Variants in SCARA3 observed in about 807,000 individuals in gnomAD.
SCARA3 encodes scavenger receptor class A member 3.
A neutral mutation model predicts 47.0 loss-of-function variants in SCARA3; 39 were observed. That is an observed-to-expected ratio of 0.83 (90% CI 0.64 to 1.08). The LOEUF (loss-of-function observed/expected upper bound fraction) is 1.08, where lower values mean the gene tolerates loss of function less well. Ranked by LOEUF, SCARA3 falls within the 50% of genes least tolerant of loss-of-function variation. SCARA3 has a pLI of 0.00. For missense variants in SCARA3, 724 were observed against 792.3 expected, an observed-to-expected ratio of 0.91 and a Z score of 1.04; for synonymous variants, 356 against 334.1, an observed-to-expected ratio of 1.07 and a Z score of -0.71.
the SCARA3 span, among the ~76,000 whole-genome samples, chr8:27,696,481 A>G: frequency 2.0e-5 from 3 of 151,602 alleles, no homozygotes; most frequent in African/African-American, 7.3e-5. Context: ...TTGGAGACAG[A>G]GTCTCACTCT....
intron 1 of SCARA3, among the ~76,000 whole-genome samples, chr8:27,640,871 A>AT (rs1563400219): frequency 6.6e-6 from 1 of 151,940 alleles, no homozygotes; most frequent in Non-Finnish European, 1.5e-5. Flanking sequence ...TAATTTTTGT[A>AT]TTTTTTGTAG....
the SCARA3 span, among the ~76,000 whole-genome samples, chr8:27,712,458 G>A: frequency 6.7e-6 from 1 of 150,040 alleles, no homozygotes; most frequent in African/African-American, 2.4e-5. Flanking sequence ...AGCTACTTGG[G>A]AGGCTGAGGC....
the SCARA3 span, among the ~76,000 whole-genome samples, chr8:27,729,073 A>G: frequency 1.3e-5 from 2 of 152,206 alleles, no homozygotes. Flanking sequence ...TCAAATATAT[A>G]TAACAATTCC....
At chr8:27,646,965 C>CGGGGG in intron 1 of SCARA3, among the ~76,000 whole-genome samples, 1 of 48,374 alleles carries the variant, frequency 2.1e-5, no homozygotes, top group African/African-American at 7.0e-5. Flanking sequence ...CACCCCTGAC[C>CGGGGG]GCCCCCGCCC....
chr8:27,641,064 A>G (rs1357204073), intron 1 of SCARA3, among the ~76,000 whole-genome samples: 1 of 152,258 alleles, frequency 6.6e-6, no homozygotes, highest in African/African-American at 2.4e-5. Flanking sequence ...TATGTAACCA[A>G]TCCCCTGGAG....
chr8:27,702,242 G>A, the SCARA3 span: 2 of 152,152 alleles, frequency 1.3e-5, no homozygotes, highest in African/African-American at 4.8e-5. Flanking sequence ...AAGTTTTATG[G>A]GGTAGCCAAG....
chr8:27,649,563 G>T, intron 1 of SCARA3, 139 bp from the exon 2 acceptor site: 2 of 771,440 alleles, frequency 2.6e-6, no homozygotes, highest in Non-Finnish European at 2.2e-6. Context: ...CCTTTTTGCA[G>T]CTTACATCAG....
chr8:27,700,923 A>G, the SCARA3 span, among the ~76,000 whole-genome samples: 4 of 152,200 alleles, frequency 2.6e-5, no homozygotes. Context: ...CAGCAATTTC[A>G]CTTCTGGGTT....
chr8:27,705,486 C>T, the SCARA3 span, among the ~76,000 whole-genome samples: 6 of 152,252 alleles, frequency 3.9e-5, no homozygotes, highest in African/African-American at 1.2e-4. Flanking sequence ...CCCCATCACC[C>T]GACAGGGGCT....
chr8:27,670,718 A>C (rs1317642106), intron 5 of SCARA3, among the ~76,000 whole-genome samples, 182 bp from the exon 6 acceptor site: 2 of 151,988 alleles, frequency 1.3e-5, no homozygotes, highest in Non-Finnish European at 2.9e-5. Context: ...GAAGCTGGCC[A>C]GCCCCTTGTT....
chr8:27,715,023 G>A, the SCARA3 span, among the ~76,000 whole-genome samples: 8 of 152,198 alleles, frequency 5.3e-5, no homozygotes, highest in East Asian at 9.7e-4. The surrounding 1 kb of genome is among the most constrained non-coding windows in gnomAD (Gnocchi z 4.2). Flanking sequence ...GGGCTCAAGC[G>A]ATCCTCACAC....
chr8:27,717,436 T>C, the SCARA3 span, among the ~76,000 whole-genome samples: 1 of 152,204 alleles, frequency 6.6e-6, no homozygotes, highest in Non-Finnish European at 1.5e-5. Context: ...CCCAGACTTC[T>C]CAATGTACGT....
the SCARA3 span, among the ~76,000 whole-genome samples, chr8:27,712,492 G>A: frequency 2.7e-5 from 4 of 150,470 alleles, no homozygotes; most frequent in African/African-American, 7.3e-5. Flanking sequence ...GAACCCGGGA[G>A]GCGGAGCTTG....
At chr8:27,636,812 C>T (rs969192883) in intron 1 of SCARA3, among the ~76,000 whole-genome samples, 2 of 152,218 alleles carry the variant, frequency 1.3e-5, no homozygotes, top group Non-Finnish European at 2.9e-5. Flanking sequence ...CCCTCCCTGG[C>T]AGCCGGGAAG....
chr8:27,647,278 A>G lies in SCARA3; in HGVS notation c.8-2424A>G, dbSNP rs544445284. ...TACACAAAGTTTAGTTTCCTCACCT[A>G]TCAAATCAGGAGAAAATGTTCTCTC... On this transcript the variant is annotated intron_variant, in intron 1 of 5. Coordinates refer to ENST00000301904, the MANE Select transcript of SCARA3 (RefSeq NM_016240.3). Among the ~76,000 whole-genome samples the G allele has an allele frequency of 5.3e-5, 8 of 152,272 alleles. No homozygotes were observed. The East Asian group carries it at 1.5e-3, about 29-fold the overall frequency.
intron 1 of SCARA3, among the ~76,000 whole-genome samples, chr8:27,646,972 G>GCCCCCCCCC (rs757314343): frequency 3.0e-4 from 7 of 23,504 alleles, no homozygotes; most frequent in South Asian, 2.8e-3. Flanking sequence ...GACCGCCCCC[G>GCCCCCCCCC]CCCCCCCCCC....
chr8:27,725,408 C>T, the SCARA3 span, among the ~76,000 whole-genome samples: 1 of 149,530 alleles, frequency 6.7e-6, no homozygotes, highest in African/African-American at 2.5e-5. Flanking sequence ...TTTATATTAT[C>T]CTTGAAAATG....
rs757359424 is a variant in SCARA3 at position 27,659,035 on chromosome 8, C to T, written c.865C>T (p.Arg289Cys). Residue 289 changes from arginine to cysteine, a missense_variant, in exon 5 of 6, where the codon CGC (arginine) becomes TGC (cysteine). Arg to Cys is a radical substitution (Grantham distance 180, BLOSUM62 -3). Transcript: ENST00000301904. ...GGCCACCCTGGGGGCCTCCTCACAG[C>T]GCATCAGCCAGAACTCAGAGAGCAT... ...IQATLGASSQ[R>C]ISQNSESMHD... 4.5e-5 allele frequency: 73 copies of T among 1,613,994 alleles called. No homozygotes were observed. Among genetic ancestry groups the T allele is most frequent in the Non-Finnish European group, 1.2e-5 (14 of 1,180,030 alleles).
chr8:27,642,579 T>G (rs938983286), intron 1 of SCARA3, among the ~76,000 whole-genome samples: 1 of 152,134 alleles, frequency 6.6e-6, no homozygotes, highest in Non-Finnish European at 1.5e-5. Context: ...TCCCAGCACT[T>G]TGGGAGACCC....
Sources: allele counts gnomAD v4.1 joint callset (sites outside exome capture counted in the v4.1 genomes callset), GRCh38; gene constraint gnomAD v4.1.1; non-coding constraint Gnocchi (gnomAD v3.1); transcripts MANE v1.5; gene names NCBI Gene and HGNC (gene_info 2026-07-23, HGNC 2026-07-21).